Variants in CNTLN observed in about 807,000 individuals in gnomAD.
The protein encoded by CNTLN is centlein, centrosomal protein.
CNTLN carries 212 observed loss-of-function variants against 180.0 expected under a neutral mutation model. The ratio of observed to expected loss-of-function variants is 1.18; its 90% CI spans 1.05 to 1.32. The LOEUF is 1.32. Among genes scored for constraint, CNTLN ranks in the 40% most tolerant of loss-of-function variants. The pLI is 0.00. For missense variants in CNTLN, 2,095 were observed against 1,610.9 expected, an observed-to-expected ratio of 1.30 and a Z score of -5.14; for synonymous variants, 722 against 563.1, an observed-to-expected ratio of 1.28 and a Z score of -3.99.
intron 7 of CNTLN, among the ~76,000 whole-genome samples, chr9:17,307,972 C>CCACA (rs3837233): frequency 0.054 from 7,482 of 137,820 alleles, 191 homozygotes; most frequent in South Asian, 0.11. Flanking sequence ...GCCTTTAAAA[C>CCACA]CACACACACA....
At chr9:17,197,458 A>T (rs887461136) in intron 2 of CNTLN, among the ~76,000 whole-genome samples, 1 of 152,088 alleles carries the variant, frequency 6.6e-6, no homozygotes, top group African/African-American at 2.4e-5. Flanking sequence ...CACAGTGTGC[A>T]GTTTTGTTAC....
chr9:17,199,592 A>G (rs1012815209), intron 2 of CNTLN, among the ~76,000 whole-genome samples: 1 of 152,214 alleles, frequency 6.6e-6, no homozygotes, highest in Non-Finnish European at 1.5e-5. Flanking sequence ...TCTAATGACC[A>G]GAGATGATGA....
chr9:17,174,117 T>C (rs1274598726), intron 2 of CNTLN, among the ~76,000 whole-genome samples: 1 of 152,230 alleles, frequency 6.6e-6, no homozygotes, highest in Non-Finnish European at 1.5e-5. Flanking sequence ...GTATAGGCTT[T>C]TCATTCAGCA....
chr9:17,221,070 C>G (rs1414693648), intron 2 of CNTLN, among the ~76,000 whole-genome samples: 1 of 152,068 alleles, frequency 6.6e-6, no homozygotes, highest in African/African-American at 2.4e-5. Context: ...TGATCTGGGT[C>G]TTTGTCCCTG....
At chr9:17,398,672 C>T (rs1000363734) in intron 15 of CNTLN, among the ~76,000 whole-genome samples, 2 of 152,094 alleles carry the variant, frequency 1.3e-5, no homozygotes, top group African/African-American at 4.8e-5. Flanking sequence ...TTTTTATTTG[C>T]CGCCTGCAAA....
chr9:17,434,820 C>G (rs1241975432), intron 18 of CNTLN, among the ~76,000 whole-genome samples: 3 of 150,676 alleles, frequency 2.0e-5, no homozygotes. Context: ...AATTTGCAGA[C>G]AACAGTTCTT....
the CNTLN span, among the ~76,000 whole-genome samples, chr9:17,514,587 A>G: frequency 6.6e-6 from 1 of 152,346 alleles, no homozygotes. Flanking sequence ...ATATTTACTA[A>G]TAAAAACATA....
intron 1 of CNTLN, among the ~76,000 whole-genome samples, chr9:17,136,417 C>T (rs575435827): frequency 8.5e-5 from 13 of 152,334 alleles, no homozygotes; most frequent in African/African-American, 2.6e-4. Context: ...GCAAGCTCCG[C>T]CTCCCGGGTT....
intron 10 of CNTLN, among the ~76,000 whole-genome samples, chr9:17,333,801 C>T (rs1213385113): frequency 6.6e-6 from 1 of 152,094 alleles, no homozygotes; most frequent in Non-Finnish European, 1.5e-5. Flanking sequence ...TTATAAAGAA[C>T]TTAGATAAAC....
intron 13 of CNTLN, among the ~76,000 whole-genome samples, chr9:17,374,549 G>T (rs1824595382): frequency 6.6e-6 from 1 of 152,180 alleles, no homozygotes; most frequent in South Asian, 2.1e-4. Flanking sequence ...ATGGAGAACA[G>T]TTTGGAATTG....
intron 2 of CNTLN, among the ~76,000 whole-genome samples, chr9:17,182,169 T>G (rs1044332944): frequency 8.6e-5 from 13 of 151,976 alleles, no homozygotes; most frequent in Non-Finnish European, 1.6e-4. Context: ...GGCCACATTT[T>G]TTTTTTTTCC....
chr9:17,316,904 C>T (rs369967082), intron 8 of CNTLN, among the ~76,000 whole-genome samples: 20 of 152,118 alleles, frequency 1.3e-4, no homozygotes, highest in South Asian at 4.1e-4. Flanking sequence ...AACATTGTTC[C>T]TGTGTACGTT....
chr9:17,498,735 G>T (rs1833587470), intron 25 of CNTLN, among the ~76,000 whole-genome samples: 2 of 152,274 alleles, frequency 1.3e-5, no homozygotes, highest in South Asian at 4.1e-4. Context: ...AAGAAATCAT[G>T]CAGGCTCTCT....
intron 18 of CNTLN, among the ~76,000 whole-genome samples, chr9:17,437,052 GTCTC>G (rs1453270506): frequency 6.6e-6 from 1 of 152,200 alleles, no homozygotes; most frequent in Non-Finnish European, 1.5e-5. Flanking sequence ...GACATAGCCT[GTCTC>G]TCTCCTAGCA....
intron 1 of CNTLN, among the ~76,000 whole-genome samples, chr9:17,136,652 T>G (rs2131386977): frequency 6.6e-6 from 1 of 152,294 alleles, no homozygotes; most frequent in East Asian, 1.9e-4. Flanking sequence ...TTTTGCCCAT[T>G]TTATAGGTCC....
chr9:17,490,226 A>C (rs777316415), intron 25 of CNTLN, among the ~76,000 whole-genome samples: 3 of 152,098 alleles, frequency 2.0e-5, no homozygotes, highest in Non-Finnish European at 4.4e-5. Flanking sequence ...GACTGGGAGC[A>C]AAAAGGTTCT....
chr9:17,484,960 TA>T (rs1832824421), intron 24 of CNTLN, among the ~76,000 whole-genome samples: 2 of 152,108 alleles, frequency 1.3e-5, no homozygotes, highest in Admixed American at 1.3e-4. Flanking sequence ...TGTTGAAAAA[TA>T]TTTATTGCTT....
At chr9:17,184,580 T>C (rs1821317344) in intron 2 of CNTLN, among the ~76,000 whole-genome samples, 1 of 152,130 alleles carries the variant, frequency 6.6e-6, no homozygotes, top group Non-Finnish European at 1.5e-5. Flanking sequence ...GAATTATGAA[T>C]TGTATTGGGG....
In CNTLN at chr9:17,351,618, A is replaced by G. The variant is rs187812029; in HGVS notation, c.1886+9174A>G. 2.4e-3 allele frequency among the ~76,000 whole-genome samples: 370 copies of G among 152,246 alleles called. 1 individual carries two copies. Among genetic ancestry groups the G allele is most frequent in the African/African-American group, 8.3e-3 (346 of 41,566 alleles). On this transcript the variant is annotated intron_variant, in intron 12 of 25. Coordinates refer to ENST00000380647, the MANE Select transcript of CNTLN (RefSeq NM_017738.4). ...ACTAAGCCTTAATATTTCACATCAC[A>G]AACATCCTATCTTATTTCTTTCCAT...
Sources: allele counts gnomAD v4.1 joint callset (sites outside exome capture counted in the v4.1 genomes callset), GRCh38; gene constraint gnomAD v4.1.1; transcripts MANE v1.5; gene names NCBI Gene and HGNC (gene_info 2026-07-23, HGNC 2026-07-21).